IQCJ: variants seen among roughly 807,000 people sequenced by gnomAD.
The protein encoded by IQCJ is IQ motif containing J.
In IQCJ, 9 loss-of-function variants were observed where a neutral mutation model predicts 11.0. The observed-to-expected ratio is 0.82, with a 90% CI of 0.49 to 1.43. IQCJ has a LOEUF of 1.43. Ranked by LOEUF, IQCJ falls within the 40% of genes most tolerant of loss-of-function variation. The pLI is 0.00. For missense variants in IQCJ, 146 were observed against 133.2 expected, an observed-to-expected ratio of 1.10 and a Z score of -0.47; for synonymous variants, 55 against 51.3, an observed-to-expected ratio of 1.07 and a Z score of -0.31.
At chr3:159,250,107 G>A (rs1340772152) in intron 2 of IQCJ, among the ~76,000 whole-genome samples, 1 of 152,210 alleles carries the variant, frequency 6.6e-6, no homozygotes, top group East Asian at 1.9e-4. Flanking sequence ...GGTAAGAGAT[G>A]TGTGATTGCA....
chr3:159,221,461 A>G (rs1725540525), intron 1 of IQCJ, among the ~76,000 whole-genome samples: 1 of 152,148 alleles, frequency 6.6e-6, no homozygotes, highest in Non-Finnish European at 1.5e-5. Flanking sequence ...TTCTGAAGGG[A>G]AGGGCCTGAA....
intron 1 of IQCJ, among the ~76,000 whole-genome samples, chr3:159,157,704 C>A (rs1440643164): frequency 6.6e-6 from 1 of 152,176 alleles, no homozygotes; most frequent in African/African-American, 2.4e-5. Context: ...GCCCAGCATA[C>A]AAATAACCAC....
intron 1 of IQCJ, among the ~76,000 whole-genome samples, chr3:159,203,114 T>C (rs1724446963): frequency 6.6e-6 from 1 of 151,434 alleles, no homozygotes; most frequent in African/African-American, 2.4e-5. Flanking sequence ...TATTTTCTCT[T>C]ACCCAGAAAT....
chr3:159,255,381 A>G (rs1727840618), intron 3 of IQCJ, among the ~76,000 whole-genome samples: 1 of 152,182 alleles, frequency 6.6e-6, no homozygotes, highest in Non-Finnish European at 1.5e-5. Context: ...TCTGAATGTA[A>G]AAGAGAGGAA....
chr3:159,106,225 G>T (rs1377298804), intron 1 of IQCJ, among the ~76,000 whole-genome samples: 3 of 152,144 alleles, frequency 2.0e-5, no homozygotes, highest in African/African-American at 7.2e-5. Context: ...GCTCTGTTTT[G>T]GACATGCTTG....
intron 1 of IQCJ, among the ~76,000 whole-genome samples, chr3:159,189,386 G>A (rs78069353): frequency 0.049 from 7,415 of 152,182 alleles, 562 homozygotes; most frequent in African/African-American, 0.17. Context: ...ACAAATCAAC[G>A]TTTAGTCCTT....
At chr3:159,075,347 T>C (rs1409510054) in intron 1 of IQCJ, among the ~76,000 whole-genome samples, 2 of 152,128 alleles carry the variant, frequency 1.3e-5, no homozygotes, top group South Asian at 2.1e-4. Context: ...AAAAAAAATT[T>C]TTTTAAGAGA....
At chr3:159,216,639 C>T (rs760996680) in intron 1 of IQCJ, among the ~76,000 whole-genome samples, 16 of 152,116 alleles carry the variant, frequency 1.1e-4, no homozygotes, top group African/African-American at 3.1e-4. Flanking sequence ...TTCTGTTCAG[C>T]GGGATATTTT....
intron 1 of IQCJ, among the ~76,000 whole-genome samples, chr3:159,189,200 C>T (rs1009630574): frequency 2.6e-5 from 4 of 152,048 alleles, no homozygotes; most frequent in African/African-American, 7.2e-5. Flanking sequence ...ATAGTGACTA[C>T]GGGTAACTTG....
intron 1 of IQCJ, among the ~76,000 whole-genome samples, chr3:159,220,556 G>A (rs1047193797): frequency 5.9e-5 from 9 of 152,040 alleles, no homozygotes; most frequent in African/African-American, 2.2e-4. Context: ...ATTTCTATTG[G>A]TTCAGCCCCC....
intron 3 of IQCJ, among the ~76,000 whole-genome samples, chr3:159,253,763 C>A (rs1014290847): frequency 6.6e-6 from 1 of 152,164 alleles, no homozygotes; most frequent in Non-Finnish European, 1.5e-5. Context: ...GAAAAGAAAT[C>A]GCCCTAAAGA....
At chr3:159,104,517 T>G (rs1463737866) in intron 1 of IQCJ, among the ~76,000 whole-genome samples, 12 of 152,230 alleles carry the variant, frequency 7.9e-5, no homozygotes, top group Admixed American at 7.9e-4. Flanking sequence ...TAAATATCTA[T>G]TCATGTATGT....
At position 159,245,480 on chromosome 3, in the gene IQCJ, G is replaced by A. The variant is rs1185940224; in HGVS notation, c.10-363G>A. Among the ~76,000 whole-genome samples, 3 of 21,014 alleles carry A rather than the reference G, an allele frequency of 1.4e-4. 1 individual carries two copies. The highest frequency in any genetic ancestry group is 6.0e-4 in the African/African-American group (3 of 4,982). The allele number at this position is 21,014 out of a possible 152,430, so 13.8% of individuals were successfully genotyped here. On this transcript the variant is annotated intron_variant, in intron 1 of 3. Coordinates refer to ENST00000397832, the MANE Select transcript of IQCJ (RefSeq NM_001042706.3). ...ATTCTTTTTTTTTTTTTTTTTTTTT[G>A]AGATGGAGTCTCACTCTGTCGCCCA...
At chr3:159,257,383 C>T (rs1727954928) in intron 3 of IQCJ, among the ~76,000 whole-genome samples, 1 of 152,138 alleles carries the variant, frequency 6.6e-6, no homozygotes, top group Admixed American at 6.5e-5. Context: ...GTTATAGATC[C>T]AGGACCCAAA....
intron 1 of IQCJ, among the ~76,000 whole-genome samples, chr3:159,156,080 A>T (rs1390935125): frequency 6.6e-6 from 1 of 152,218 alleles, no homozygotes. Flanking sequence ...ACTTCTAAAT[A>T]TATACACGTT....
At chr3:159,191,091 G>A (rs546214606) in intron 1 of IQCJ, among the ~76,000 whole-genome samples, 2 of 152,286 alleles carry the variant, frequency 1.3e-5, no homozygotes, top group South Asian at 2.1e-4. Flanking sequence ...ATTGGAGTGG[G>A]GAAAACGCAA....
At chr3:159,208,016 G>A (rs183810312) in intron 1 of IQCJ, among the ~76,000 whole-genome samples, 35 of 152,272 alleles carry the variant, frequency 2.3e-4, no homozygotes, top group African/African-American at 8.4e-4. Context: ...CTTTAGCAGA[G>A]TTGTGACAAG....
In IQCJ at chr3:159,263,132, G is replaced by C; in HGVS notation, c.*401G>C. On this transcript the variant is annotated 3_prime_UTR_variant, in exon 4 of 4. Transcript: ENST00000397832. ...GCAACTTAAATGTCTCCAGGGGCCA[G>C]GTAAGTCACCCTCATGACTGAGGTG... 1 of 926,504 alleles carries C rather than the reference G, an allele frequency of 1.1e-6. No individual in the cohort carries two copies. Among genetic ancestry groups the C allele is most frequent in the Non-Finnish European group, 1.3e-6 (1 of 774,796 alleles). The allele number at this position is 926,504 out of a possible 1,614,324, so 57.4% of individuals were successfully genotyped here.
At chr3:159,184,358 AG>A (rs1723267540) in intron 1 of IQCJ, among the ~76,000 whole-genome samples, 2 of 152,206 alleles carry the variant, frequency 1.3e-5, no homozygotes, top group South Asian at 4.2e-4. Flanking sequence ...TCCTCAGAAA[AG>A]CCTTCTCTGA....
Sources: allele counts gnomAD v4.1 joint callset (sites outside exome capture counted in the v4.1 genomes callset), GRCh38; gene constraint gnomAD v4.1.1; transcripts MANE v1.5; gene names NCBI Gene and HGNC (gene_info 2026-07-23, HGNC 2026-07-21).